Variants in CAMTA1 observed in about 807,000 individuals in gnomAD.
The protein encoded by CAMTA1 is calmodulin binding transcription activator 1.
In CAMTA1, 27 loss-of-function variants were observed where a neutral mutation model predicts 170.9. The ratio of observed to expected loss-of-function variants is 0.16; its 90% CI spans 0.12 to 0.22. CAMTA1 has a LOEUF of 0.22. Ranked by LOEUF, CAMTA1 falls within the 10% of genes least tolerant of loss-of-function variation. The probability of loss-of-function intolerance (pLI) is 1.00; values close to 1 mark genes in which losing one functional copy is unlikely to be tolerated. For missense variants in CAMTA1, 1,619 were observed against 2,217.2 expected, an observed-to-expected ratio of 0.73 and a Z score of 5.42; for synonymous variants, 833 against 891.5, an observed-to-expected ratio of 0.93 and a Z score of 1.17.
intron 4 of CAMTA1, among the ~76,000 whole-genome samples, chr1:7,177,142 C>A (rs1651019526): frequency 7.0e-6 from 1 of 142,958 alleles, no homozygotes; most frequent in Non-Finnish European, 1.5e-5. Flanking sequence ...TCCCACACAC[C>A]GAGGCTCTTC....
At chr1:7,045,542 T>C (rs1205554828) in intron 3 of CAMTA1, among the ~76,000 whole-genome samples, 2 of 152,228 alleles carry the variant, frequency 1.3e-5, no homozygotes, top group African/African-American at 2.4e-5. Context: ...ATTTGAAAGA[T>C]TATTTTTATT....
At chr1:7,069,556 C>G (rs1638320992) in intron 3 of CAMTA1, among the ~76,000 whole-genome samples, 1 of 152,090 alleles carries the variant, frequency 6.6e-6, no homozygotes, top group South Asian at 2.1e-4. Context: ...GTCAGCGGAC[C>G]GTTTGGGCCA....
chr1:7,076,439 G>T (rs763431723), intron 3 of CAMTA1, among the ~76,000 whole-genome samples: 1 of 152,088 alleles, frequency 6.6e-6, no homozygotes, highest in East Asian at 1.9e-4. Flanking sequence ...GAGCTTTTGC[G>T]CTCCTTATCT....
intron 7 of CAMTA1, 33 bp from the exon 8 acceptor site, chr1:7,661,693 G>T (rs748400224): frequency 6.2e-7 from 1 of 1,612,914 alleles, no homozygotes; most frequent in Admixed American, 1.7e-5. Context: ...GCACCCACGG[G>T]CTCTGACAGC....
intron 3 of CAMTA1, among the ~76,000 whole-genome samples, chr1:6,899,862 T>C (rs556121036): frequency 6.6e-6 from 1 of 152,242 alleles, no homozygotes; most frequent in South Asian, 2.1e-4. Flanking sequence ...CTGTGTACTT[T>C]AGTAATTGAG....
At chr1:7,316,876 T>C (rs935176718) in intron 5 of CAMTA1, among the ~76,000 whole-genome samples, 2 of 152,172 alleles carry the variant, frequency 1.3e-5, no homozygotes, top group South Asian at 2.1e-4. Flanking sequence ...TGAGTTAGGA[T>C]TCCCCCCATA....
intron 5 of CAMTA1, among the ~76,000 whole-genome samples, chr1:7,256,736 G>A (rs184911860): frequency 1.4e-4 from 21 of 152,244 alleles, no homozygotes; most frequent in Admixed American, 1.2e-3. Flanking sequence ...TATTCCTCAC[G>A]GTTCTAGAGG....
intron 4 of CAMTA1, among the ~76,000 whole-genome samples, chr1:7,219,172 T>C (rs960651506): frequency 1.3e-5 from 2 of 152,168 alleles, no homozygotes; most frequent in African/African-American, 4.8e-5. Flanking sequence ...GCCAGCCCTT[T>C]TTCATAGACA....
chr1:7,664,098 C>G lies in CAMTA1; in HGVS notation c.1551C>G (p.Pro517=), dbSNP rs144983513. 1.9e-6 allele frequency: 3 copies of G among 1,613,554 alleles called. No homozygotes were observed. Among genetic ancestry groups the G allele is most frequent in the South Asian group, 1.1e-5 (1 of 91,086 alleles). ...GCTCCAACATCCGGCACTCGCCACCCGGGGAGCGGAGCTTCAGCTTTACCA... is the reference window on the plus strand; with the variant it reads ...GCTCCAACATCCGGCACTCGCCACCGGGGGAGCGGAGCTTCAGCTTTACCA... The part of the protein sequence containing the change: ...MVSSNIRHSP[P]GERSFSFTTV... The change falls in exon 9 of 23, where the codon CCC becomes CCG. Residue 517 remains proline (P), a synonymous_variant. Coordinates refer to ENST00000303635, the MANE Select transcript of CAMTA1 (RefSeq NM_015215.4).
At chr1:7,473,760 AGGGACCGT>A (rs2093373739) in intron 6 of CAMTA1, among the ~76,000 whole-genome samples, 1 of 152,234 alleles carries the variant, frequency 6.6e-6, no homozygotes, top group East Asian at 1.9e-4. Flanking sequence ...GCCCAGCTCC[AGGGACCGT>A]GGCACCTCAT....
chr1:7,539,898 AG>A (rs544960367), intron 6 of CAMTA1, among the ~76,000 whole-genome samples: 88 of 152,322 alleles, frequency 5.8e-4, no homozygotes, highest in African/African-American at 1.9e-3. Flanking sequence ...AGATTCAGGC[AG>A]GGGATCAAGC....
chr1:6,845,737 CG>C (rs1470098506), intron 3 of CAMTA1, among the ~76,000 whole-genome samples: 1 of 152,180 alleles, frequency 6.6e-6, no homozygotes, highest in East Asian at 1.9e-4. Flanking sequence ...AAAGCTAGAG[CG>C]TAGTAACTAA....
At position 6,825,277 on chromosome 1, in the gene CAMTA1, A is replaced by G. The variant is rs1646977510; in HGVS notation, c.234+67A>G. On this transcript the variant is annotated intron_variant, in intron 3 of 22. Transcript: ENST00000303635. ...GCAAATTTTTTAGGTTGCTTCACAT[A>G]GTCCTACTTTATGTTAGCTTTAAAT... is the stretch of plus-strand genomic sequence containing the variant. 5.5e-6 allele frequency: 4 copies of G among 733,416 alleles called. No homozygotes were observed. The South Asian group carries it at 7.0e-5, about 13-fold the overall frequency. 45.4% of individuals were successfully genotyped at this position (733,416 alleles called of 1,614,324 possible). A position where few individuals can be genotyped will look rare whatever the true frequency, so the allele number is the denominator to read the frequency against.
chr1:7,128,831 C>CTTT (rs34180837), intron 4 of CAMTA1, among the ~76,000 whole-genome samples: 4 of 61,382 alleles, frequency 6.5e-5, no homozygotes, highest in African/African-American at 2.2e-4. Context: ...GCTCCCCCTC[C>CTTT]TTTTTTTTTT....
chr1:6,953,396 T>C (rs780829204), intron 3 of CAMTA1, among the ~76,000 whole-genome samples: 1 of 152,224 alleles, frequency 6.6e-6, no homozygotes, highest in South Asian at 2.1e-4. Flanking sequence ...CTTTGTTCTT[T>C]CTCGCCGCGT....
intron 6 of CAMTA1, among the ~76,000 whole-genome samples, chr1:7,480,398 T>A (rs904793050): frequency 5.7e-5 from 8 of 141,320 alleles, no homozygotes; most frequent in African/African-American, 8.5e-5. Context: ...TATATGAGAG[T>A]GTGTGTGTGT....
chr1:7,720,851 C>T (rs1473561341), intron 11 of CAMTA1, among the ~76,000 whole-genome samples: 7 of 152,136 alleles, frequency 4.6e-5, no homozygotes, highest in Admixed American at 3.3e-4. Context: ...GGCAGCCAGC[C>T]GGGCAGACAC....
At chr1:7,162,105 T>C (rs1647315112) in intron 4 of CAMTA1, among the ~76,000 whole-genome samples, 1 of 152,062 alleles carries the variant, frequency 6.6e-6, no homozygotes, top group African/African-American at 2.4e-5. Context: ...CGTTTCTTGA[T>C]GTGTTAGAGG....
chr1:6,961,931 G>A (rs1690486266), intron 3 of CAMTA1, among the ~76,000 whole-genome samples: 1 of 152,186 alleles, frequency 6.6e-6, no homozygotes, highest in Admixed American at 6.5e-5. Flanking sequence ...TTCCTGGGGA[G>A]GGAGGGAAGG....
Sources: allele counts gnomAD v4.1 joint callset (sites outside exome capture counted in the v4.1 genomes callset), GRCh38; gene constraint gnomAD v4.1.1; transcripts MANE v1.5; gene names NCBI Gene and HGNC (gene_info 2026-07-23, HGNC 2026-07-21).